The following MECOM variants were observed in gnomAD, a reference collection of about 807,000 sequenced individuals.
The protein encoded by MECOM is MDS1 and EVI1 complex locus.
MECOM carries 13 observed loss-of-function variants against 116.3 expected under a neutral mutation model. The ratio of observed to expected loss-of-function variants is 0.11; its 90% confidence interval spans 0.07 to 0.18. The LOEUF is 0.18. Ranked by LOEUF, MECOM falls within the 10% of genes least tolerant of loss-of-function variation. The pLI is 1.00. For missense variants in MECOM, 1,299 were observed against 1,509.0 expected, an observed-to-expected ratio of 0.86 and a Z score of 2.31; for synonymous variants, 528 against 535.2, an observed-to-expected ratio of 0.99 and a Z score of 0.19.
intron 1 of MECOM, among the ~76,000 whole-genome samples, chr3:169,528,931 T>C (rs1758265697): frequency 6.6e-6 from 1 of 152,196 alleles, no homozygotes; most frequent in African/African-American, 2.4e-5. Flanking sequence ...AAACAACAAA[T>C]AATCTTTAAG....
intron 2 of MECOM, among the ~76,000 whole-genome samples, chr3:169,182,304 C>A (rs1038735918): frequency 6.6e-6 from 1 of 152,158 alleles, no homozygotes; most frequent in Non-Finnish European, 1.5e-5. Context: ...TTGTGGTGTT[C>A]GTTATTTCAT....
chr3:169,623,695 A>G (rs1371155630), intron 1 of MECOM, among the ~76,000 whole-genome samples: 2 of 152,066 alleles, frequency 1.3e-5, no homozygotes, highest in Non-Finnish European at 2.9e-5. Flanking sequence ...ATAAAGTTTA[A>G]TTCTCCTCTA....
At position 169,663,483 on chromosome 3, in the gene MECOM, TCTCTCTCTCTCTCTCTC is replaced by T; in HGVS notation, c.-128_-112del. Reference sequence around the variant, plus strand: ...CCTCCCTCTCTCTCCTGTCTCTCTCTCTCTCTCTCTCTCTCTCTCTCTCTCTCTCTCTCTCTCTCTCT... The same window carrying T: ...CCTCCCTCTCTCTCCTGTCTCTCTCTTCTCTCTCTCTCTCTCTCTCTCTCT... On this transcript the variant is annotated 5_prime_UTR_variant, in exon 1 of 17. Coordinates refer to ENST00000651503, the MANE Select transcript of MECOM (RefSeq NM_004991.4). 6.7e-6 allele frequency: 1 copy of T among 149,188 alleles called. No individual in the cohort carries two copies. The highest frequency in any genetic ancestry group is 1.2e-5 in the Non-Finnish European group (1 of 81,446). 9.2% of individuals were successfully genotyped at this position (149,188 alleles called of 1,614,324 possible).
chr3:169,536,643 A>T (rs1759401243), intron 1 of MECOM, among the ~76,000 whole-genome samples: 1 of 152,102 alleles, frequency 6.6e-6, no homozygotes, highest in African/African-American at 2.4e-5. Flanking sequence ...ACAACTTCCA[A>T]AGGGGAAAAT....
At chr3:169,419,086 T>A (rs1042372670) in intron 1 of MECOM, among the ~76,000 whole-genome samples, 8 of 152,140 alleles carry the variant, frequency 5.3e-5, no homozygotes, top group Non-Finnish European at 1.2e-4. Flanking sequence ...TCACAAGCAT[T>A]CCTATACACC....
At chr3:169,520,246 T>G (rs770283124) in intron 1 of MECOM, among the ~76,000 whole-genome samples, 1 of 152,220 alleles carries the variant, frequency 6.6e-6, no homozygotes, top group Non-Finnish European at 1.5e-5. Flanking sequence ...AAACTCCCAG[T>G]TACTTCTCCA....
intron 1 of MECOM, among the ~76,000 whole-genome samples, chr3:169,404,753 C>A (rs1394358010): frequency 6.6e-6 from 1 of 152,182 alleles, no homozygotes; most frequent in South Asian, 2.1e-4. Context: ...AGTCACCCAG[C>A]GCACAAGTAT....
At chr3:169,609,182 C>A (rs1768949663) in intron 1 of MECOM, among the ~76,000 whole-genome samples, 4 of 152,164 alleles carry the variant, frequency 2.6e-5, no homozygotes, top group African/African-American at 9.7e-5. Context: ...ATGAGTGGGA[C>A]CCTGACACCA....
chr3:169,482,765 C>T (rs1751523342), intron 1 of MECOM, among the ~76,000 whole-genome samples: 1 of 152,128 alleles, frequency 6.6e-6, no homozygotes, highest in East Asian at 1.9e-4. Flanking sequence ...TGAGCAGACT[C>T]TTGATTTTTT....
chr3:169,220,883 G>A (rs1321416995), intron 2 of MECOM, among the ~76,000 whole-genome samples: 1 of 152,176 alleles, frequency 6.6e-6, no homozygotes, highest in Non-Finnish European at 1.5e-5. Flanking sequence ...TGTATTTCCT[G>A]AGGCTCGAAC....
intron 1 of MECOM, among the ~76,000 whole-genome samples, chr3:169,480,066 G>A (rs1456282087): frequency 2.0e-5 from 3 of 152,100 alleles, no homozygotes; most frequent in Non-Finnish European, 4.4e-5. Flanking sequence ...TTCGCCTTTT[G>A]GTCAAAGTGG....
intron 1 of MECOM, among the ~76,000 whole-genome samples, chr3:169,552,145 C>T (rs904589272): frequency 5.4e-5 from 6 of 111,832 alleles, no homozygotes; most frequent in African/African-American, 1.7e-4. Context: ...ATACTAAAAA[C>T]CATGAAATTG....
chr3:169,320,864 G>A (rs963023710), intron 2 of MECOM, among the ~76,000 whole-genome samples: 1 of 152,160 alleles, frequency 6.6e-6, no homozygotes, highest in Non-Finnish European at 1.5e-5. Flanking sequence ...TGGAGTGATA[G>A]GAAAAAGCTG....
intron 1 of MECOM, chr3:169,477,119 A>G (rs1240237956): frequency 2.9e-5 from 2 of 69,414 alleles, no homozygotes; most frequent in Non-Finnish European, 5.4e-5. Flanking sequence ...ATATATATAT[A>G]TATATATATA....
At chr3:169,157,434 A>G (rs190643436) in intron 2 of MECOM, among the ~76,000 whole-genome samples, 53 of 152,370 alleles carry the variant, frequency 3.5e-4, no homozygotes, top group South Asian at 8.3e-4. Context: ...TAAAAAATAA[A>G]GTAACAACAC....
chr3:169,301,775 A>G (rs948990049), intron 2 of MECOM, among the ~76,000 whole-genome samples: 4 of 152,218 alleles, frequency 2.6e-5, no homozygotes, highest in Non-Finnish European at 5.9e-5. Flanking sequence ...ATTACTGAGA[A>G]TAATACCAAG....
At chr3:169,456,888 T>C (rs1476700968) in intron 1 of MECOM, among the ~76,000 whole-genome samples, 1 of 152,182 alleles carries the variant, frequency 6.6e-6, no homozygotes, top group Non-Finnish European at 1.5e-5. Context: ...TCTCGCCGGG[T>C]GTGCTTTTCT....
chr3:169,591,958 C>T (rs1395394938), intron 1 of MECOM, among the ~76,000 whole-genome samples: 1 of 152,058 alleles, frequency 6.6e-6, no homozygotes, highest in African/African-American at 2.4e-5. Context: ...TTTCTGGTCC[C>T]CACCCATTTC....
chr3:169,315,769 C>T (rs576027957), intron 2 of MECOM, among the ~76,000 whole-genome samples: 19 of 152,154 alleles, frequency 1.2e-4, no homozygotes, highest in South Asian at 2.1e-4. Flanking sequence ...TATCATCTAG[C>T]GATGGCATAT....
Sources: gnomAD v4.1 joint callset for allele counts (sites outside exome capture counted in the v4.1 genomes callset) on GRCh38, gnomAD v4.1.1 for gene constraint, MANE v1.5 for transcripts, NCBI Gene and HGNC (gene_info 2026-07-23, HGNC 2026-07-21) for gene names.